Variants in TBXAS1 observed in about 807,000 individuals in gnomAD.
TBXAS1 encodes the protein thromboxane A synthase 1, also known as thromboxane-A synthase.
Under a neutral mutation model 60.7 loss-of-function variants are expected in TBXAS1, and 48 were observed. That is an observed-to-expected ratio of 0.79 (90% CI 0.63 to 1.01). TBXAS1 has a LOEUF of 1.01. TBXAS1 is among the 50% of genes least tolerant of loss of function. The pLI, the probability that TBXAS1 is intolerant of heterozygous loss-of-function variation, is 0.00. For synonymous variants in TBXAS1, 287 were observed against 269.7 expected, an observed-to-expected ratio of 1.06 and a Z score of -0.63; for missense variants, 685 against 686.3, an observed-to-expected ratio of 1.00 and a Z score of 0.02.
chr7:139,945,818 G>A (rs1808661625), intron 5 of TBXAS1, among the ~76,000 whole-genome samples: 1 of 152,202 alleles, frequency 6.6e-6, no homozygotes, highest in Non-Finnish European at 1.5e-5. Context: ...TGAGGCCAGA[G>A]GGATCAAGGT....
Position 139,926,280 on chromosome 7 carries a change from G to A in TBXAS1, c.334-9911G>A, listed in dbSNP as rs1465378769. Among the ~76,000 whole-genome samples the A allele has an allele frequency of 5.9e-5, 9 of 152,176 alleles. No individual in the cohort carries two copies. The East Asian group carries it at 1.7e-3, about 29-fold the overall frequency. On this transcript the variant is annotated intron_variant, in intron 4 of 12. Transcript: ENST00000448866. ...TTCAGCAGTGAAGCCATGGTGTCCT[G>A]GGCTTTTCTTTGCTGGGAGACTTTT...
chr7:140,014,806 C>T (rs767329227), intron 10 of TBXAS1, among the ~76,000 whole-genome samples: 12 of 151,330 alleles, frequency 7.9e-5, no homozygotes, highest in Admixed American at 1.3e-4. Context: ...CTGAGCTACT[C>T]GGGAGGCTGA....
Position 139,898,979 on chromosome 7 carries a change from G to A in TBXAS1, c.237-12246G>A, listed in dbSNP as rs558274103. 3.3e-5 allele frequency among the ~76,000 whole-genome samples: 5 copies of A among 151,554 alleles called. No individual in the cohort carries two copies. In the South Asian group the frequency reaches 8.4e-4, roughly 25 times the overall value. On this transcript the variant is annotated intron_variant, in intron 3 of 12. Coordinates refer to ENST00000448866, the MANE Select transcript of TBXAS1 (RefSeq NM_001061.7). ...CCGCCACTCTGCCTCTGACAGTCTC[G>A]GGGGACCAATCCAGTGACAAATTCT...
intron 1 of TBXAS1, among the ~76,000 whole-genome samples, chr7:139,849,148 A>T (rs977013648): frequency 6.6e-6 from 1 of 152,082 alleles, no homozygotes; most frequent in African/African-American, 2.4e-5. Flanking sequence ...AGGCTGAGGT[A>T]GGAGGATCAC....
In TBXAS1 at chr7:140,013,084, CAAAAA is replaced by C. The variant is rs10591254; in HGVS notation, c.1227-2626_1227-2622del. Among the ~76,000 whole-genome samples the C allele has an allele frequency of 1.7e-5, 2 of 114,562 alleles. No individual in the cohort carries two copies. Among genetic ancestry groups the C allele is most frequent in the African/African-American group, 2.9e-5 (1 of 34,484 alleles). 75.2% of individuals were successfully genotyped at this position (114,562 alleles called of 152,430 possible). On this transcript the variant is annotated intron_variant, in intron 10 of 12. Transcript: ENST00000448866. This position sits in a 1 kb window ranked among gnomAD's most constrained non-coding sequence, Gnocchi z 4.2. ...TGGGCAACAGAGCGAGACTCCATCT[CAAAAA>C]AAAAAAAAAAAAGAAATTGGGGCAA...
At chr7:139,805,575 G>A (rs1467312979) in intron 4 of TBXAS1, among the ~76,000 whole-genome samples, 1 of 152,044 alleles carries the variant, frequency 6.6e-6, no homozygotes, top group Non-Finnish European at 1.5e-5. Context: ...TATCTAGAAT[G>A]AAAGTCTAGA....
At chr7:139,793,716 A>G (rs188986442) in intron 4 of TBXAS1, among the ~76,000 whole-genome samples, 3 of 152,384 alleles carry the variant, frequency 2.0e-5, no homozygotes, top group Admixed American at 2.0e-4. Flanking sequence ...AACATATTTC[A>G]TATGAGATTG....
intron 3 of TBXAS1, chr7:139,875,857 A>G (rs1010074188): frequency 3.4e-6 from 2 of 595,612 alleles, no homozygotes; most frequent in Non-Finnish European, 5.9e-6. Context: ...TGCTGGCCTG[A>G]AAGAGTACCA....
chr7:139,808,213 C>T (rs1797927503), intron 4 of TBXAS1, among the ~76,000 whole-genome samples: 1 of 151,874 alleles, frequency 6.6e-6, no homozygotes, highest in South Asian at 2.1e-4. Flanking sequence ...TGGTGCATGC[C>T]TGTAGTCCCA....
rs371449291 is a variant in TBXAS1 at position 139,904,019 on chromosome 7, T to C, written c.237-7206T>C. Among the ~76,000 whole-genome samples the C allele has an allele frequency of 3.4e-4, 51 of 152,236 alleles. 2 individuals carry two copies. The highest frequency in any genetic ancestry group is 1.2e-3 in the African/African-American group (50 of 41,476). On this transcript the variant is annotated intron_variant, in intron 3 of 12. Coordinates refer to ENST00000448866, the MANE Select transcript of TBXAS1 (RefSeq NM_001061.7). ...TGCTTTTGGGTTCTTGGTCACGAAA[T>C]CCTTGTCTAAACCAATGTCTAGAAA...
At chr7:139,952,675 C>T (rs1417874296) in intron 5 of TBXAS1, 7 of 1,528,440 alleles carry the variant, frequency 4.6e-6, no homozygotes, top group Non-Finnish European at 6.1e-6. Context: ...CATTATGCCA[C>T]TCTACCTTTC....
chr7:139,817,994 T>C (rs1798194350), intron 4 of TBXAS1, among the ~76,000 whole-genome samples: 2 of 152,150 alleles, frequency 1.3e-5, no homozygotes, highest in Admixed American at 6.5e-5. Context: ...TTCAGAAACA[T>C]TTCGTGATCA....
At chr7:139,812,109 T>G (rs560952115) in intron 4 of TBXAS1, among the ~76,000 whole-genome samples, 9 of 152,240 alleles carry the variant, frequency 5.9e-5, no homozygotes, top group Non-Finnish European at 1.0e-4. Context: ...TAGTTCTTAT[T>G]GCCGTCCTTG....
chr7:139,869,512 C>T (rs1053397101), intron 1 of TBXAS1, among the ~76,000 whole-genome samples: 1 of 152,086 alleles, frequency 6.6e-6, no homozygotes, highest in Admixed American at 6.5e-5. Flanking sequence ...CTTAGCCTCC[C>T]GATTTGCTAG....
intron 1 of TBXAS1, 28 bp from the exon 2 acceptor site, chr7:139,872,207 A>T: frequency 6.3e-7 from 1 of 1,599,968 alleles, no homozygotes; most frequent in African/African-American, 1.3e-5. Flanking sequence ...TTCATTTCTC[A>T]GCTTTTGAAA....
At chr7:139,867,161 G>T (rs1048946798) in intron 1 of TBXAS1, among the ~76,000 whole-genome samples, 2 of 152,216 alleles carry the variant, frequency 1.3e-5, no homozygotes, top group African/African-American at 4.8e-5. Context: ...ACCTGGCACC[G>T]CTGGGCTTCA....
chr7:139,918,957 T>A (rs1444674204), intron 4 of TBXAS1, among the ~76,000 whole-genome samples: 2 of 152,156 alleles, frequency 1.3e-5, no homozygotes, highest in African/African-American at 4.8e-5. Context: ...ACTGTTTTCA[T>A]TTTTGGTATT....
Position 139,829,327 on chromosome 7 carries a change from A to T in TBXAS1, c.-64A>T. 6.6e-7 allele frequency: 1 copy of T among 1,504,090 alleles called. No individual in the cohort carries two copies. Among genetic ancestry groups the T allele is most frequent in the South Asian group, 1.2e-5 (1 of 85,584 alleles). 93.2% of individuals were successfully genotyped at this position (1,504,090 alleles called of 1,614,324 possible). A position where few individuals can be genotyped will look rare whatever the true frequency, so the allele number is the denominator to read the frequency against. On this transcript the variant is annotated 5_prime_UTR_variant, in exon 1 of 13. It adds an upstream start codon to the 5' untranslated region. Coordinates refer to ENST00000448866, the MANE Select transcript of TBXAS1 (RefSeq NM_001061.7). ...CTACCTGCAGAGCACGGTTCCCATA[A>T]GGGCGGCGAGATCAGCCTCCTGTCT...
intron 4 of TBXAS1, among the ~76,000 whole-genome samples, chr7:139,789,006 A>C (rs1484928675): frequency 6.6e-6 from 1 of 152,144 alleles, no homozygotes; most frequent in Non-Finnish European, 1.5e-5. Context: ...TGCCCACCTT[A>C]TAAATCATTA....
Sources: allele counts gnomAD v4.1 joint callset (sites outside exome capture counted in the v4.1 genomes callset), GRCh38; gene constraint gnomAD v4.1.1; non-coding constraint Gnocchi (gnomAD v3.1); transcripts MANE v1.5; gene names NCBI Gene and HGNC (gene_info 2026-07-23, HGNC 2026-07-21).